GINM1: variants seen among roughly 807,000 people sequenced by gnomAD.
The protein encoded by GINM1 is glycoprotein integral membrane protein 1.
In GINM1, 29 loss-of-function variants were observed where a neutral mutation model predicts 37.8. The ratio of observed to expected loss-of-function variants is 0.77; its 90% CI spans 0.57 to 1.05. The LOEUF (loss-of-function observed/expected upper bound fraction) is 1.05. GINM1 is among the 50% of genes least tolerant of loss of function. The pLI, the probability that GINM1 is intolerant of heterozygous loss-of-function variation, is 0.00. For synonymous variants in GINM1, 143 were observed against 146.2 expected, an observed-to-expected ratio of 0.98 and a Z score of 0.16; for missense variants, 377 against 397.9, an observed-to-expected ratio of 0.95 and a Z score of 0.45.
At chr6:149,580,852 T>G in intron 6 of GINM1, 129 bp downstream of exon 6, 1 of 717,932 alleles carries the variant, frequency 1.4e-6, no homozygotes, top group Non-Finnish European at 2.3e-6. Flanking sequence ...TGGACTCATC[T>G]TGGTCTTAAT....
At chr6:149,573,782 G>A (rs1203134783) in intron 3 of GINM1, among the ~76,000 whole-genome samples, 2 of 151,248 alleles carry the variant, frequency 1.3e-5, no homozygotes, top group African/African-American at 2.4e-5. Context: ...TGGGAGGATC[G>A]CCACTGTACT....
At chr6:149,570,223 T>G (rs945724545) in intron 1 of GINM1, among the ~76,000 whole-genome samples, 1 of 132,600 alleles carries the variant, frequency 7.5e-6, no homozygotes, top group Admixed American at 7.9e-5. Context: ...GCTAACAATA[T>G]AGTGTTCACT....
rs116070869 is a variant in GINM1 at position 149,588,598 on chromosome 6, A to G, written c.882-2129A>G. ...CCTACTAAGTAGGCCAGACTTTCCT[A>G]TCTTAAAATTATGGGGCTTTTTTTG... On this transcript the variant is annotated intron_variant, in intron 7 of 7. Coordinates refer to ENST00000367419, the MANE Select transcript of GINM1 (RefSeq NM_138785.5). 1.6e-3 allele frequency among the ~76,000 whole-genome samples: 247 copies of G among 152,182 alleles called. 1 individual carries two copies. Among genetic ancestry groups the G allele is most frequent in the African/African-American group, 5.6e-3 (232 of 41,524 alleles).
intron 3 of GINM1, chr6:149,576,415 G>T (rs1016243694): frequency 1.3e-5 from 2 of 152,126 alleles, no homozygotes; most frequent in African/African-American, 4.8e-5. Flanking sequence ...TCTAATTGTG[G>T]CAGTAACATT....
intron 7 of GINM1, 118 bp downstream of exon 7, chr6:149,582,721 A>G: frequency 3.0e-6 from 2 of 662,262 alleles, no homozygotes; most frequent in East Asian, 3.1e-5. Flanking sequence ...AATGGGAGGG[A>G]AAATAACACC....
chr6:149,589,471 C>T (rs1441292766), intron 7 of GINM1, among the ~76,000 whole-genome samples: 1 of 151,848 alleles, frequency 6.6e-6, no homozygotes, highest in East Asian at 1.9e-4. Flanking sequence ...CAGGGTTTCA[C>T]CATGTTGGCC....
At chr6:149,589,051 G>A (rs9322190) in intron 7 of GINM1, among the ~76,000 whole-genome samples, 56,761 of 151,562 alleles carry the variant, frequency 0.37, 11,569 homozygotes, top group East Asian at 0.81. Context: ...TGACCCACCC[G>A]TCTCGGCCTC....
chr6:149,589,043 A>G (rs1582739813), intron 7 of GINM1, among the ~76,000 whole-genome samples: 1 of 151,880 alleles, frequency 6.6e-6, no homozygotes, highest in Admixed American at 6.6e-5. Flanking sequence ...ACCTCAAGTG[A>G]CCCACCCGTC....
At chr6:149,567,117 C>T (rs191052161) in intron 1 of GINM1, among the ~76,000 whole-genome samples, 9 of 152,240 alleles carry the variant, frequency 5.9e-5, no homozygotes, top group Non-Finnish European at 1.2e-4. Flanking sequence ...GCGGTGTCCG[C>T]ATCCCCTGGG....
chr6:149,571,973 C>T (rs1250869053), intron 1 of GINM1, among the ~76,000 whole-genome samples: 7 of 151,728 alleles, frequency 4.6e-5, no homozygotes, highest in Admixed American at 3.3e-4. Context: ...CCCAGCTACT[C>T]GGGAGGCTGA....
At chr6:149,582,165 A>G in intron 6 of GINM1, 1 of 528,242 alleles carries the variant, frequency 1.9e-6, no homozygotes, top group Non-Finnish European at 3.7e-6. Context: ...TTAGAAAACA[A>G]TATAAATAAT....
intron 6 of GINM1, among the ~76,000 whole-genome samples, chr6:149,581,311 A>G (rs1777995932): frequency 6.6e-6 from 1 of 152,100 alleles, no homozygotes; most frequent in South Asian, 2.1e-4. Flanking sequence ...GGCACACGCT[A>G]CCACGCCCAG....
intron 3 of GINM1, among the ~76,000 whole-genome samples, chr6:149,577,743 T>G (rs1777935484): frequency 6.6e-6 from 1 of 152,186 alleles, no homozygotes; most frequent in African/African-American, 2.4e-5. Flanking sequence ...GATTCCTGTT[T>G]GGCAAAAATC....
At chr6:149,574,897 TA>T (rs1777891296) in intron 3 of GINM1, among the ~76,000 whole-genome samples, 1 of 152,170 alleles carries the variant, frequency 6.6e-6, no homozygotes. Context: ...TAAAAATAAA[TA>T]AATTTGTACT....
At chr6:149,576,782 T>C (rs1777921252) in intron 3 of GINM1, among the ~76,000 whole-genome samples, 1 of 152,162 alleles carries the variant, frequency 6.6e-6, no homozygotes. Flanking sequence ...GGCTTTGTTG[T>C]TTTTTATTTA....
At chr6:149,583,686 G>A (rs1778033240) in intron 7 of GINM1, among the ~76,000 whole-genome samples, 1 of 151,624 alleles carries the variant, frequency 6.6e-6, no homozygotes, top group African/African-American at 2.4e-5. Flanking sequence ...ATATCAGTGA[G>A]GTCTAATGAG....
Position 149,582,580 on chromosome 6 carries a change from G to GT in GINM1, c.863dup (p.Val290SerfsTer3). 6.3e-7 allele frequency: 1 copy of GT among 1,579,854 alleles called. No individual in the cohort carries two copies. Among genetic ancestry groups the GT allele is most frequent in the South Asian group, 1.2e-5 (1 of 83,788 alleles). On this transcript the variant is annotated frameshift_variant, in exon 7 of 8. Coordinates refer to ENST00000367419, the MANE Select transcript of GINM1 (RefSeq NM_138785.5). LOFTEE classifies it high-confidence loss of function. ...CTGTGGTAATAACCATCTTAAAGGT[G>GT]TTTTTCCCAGTTTCTGAATACAAGT...
intron 7 of GINM1, among the ~76,000 whole-genome samples, chr6:149,587,955 T>C (rs1442196618): frequency 1.3e-5 from 2 of 152,238 alleles, no homozygotes; most frequent in Non-Finnish European, 2.9e-5. Flanking sequence ...TTTTAGGAGC[T>C]GTTCCAGGAA....
At chr6:149,573,902 T>C (rs537435453) in intron 3 of GINM1, among the ~76,000 whole-genome samples, 3 of 151,978 alleles carry the variant, frequency 2.0e-5, no homozygotes, top group African/African-American at 7.2e-5. Context: ...TTATCTAGTA[T>C]TCAGTTTCTT....
Sources: gnomAD v4.1 joint callset for allele counts (sites outside exome capture counted in the v4.1 genomes callset) on GRCh38, gnomAD v4.1.1 for gene constraint, MANE v1.5 for transcripts, NCBI Gene and HGNC (gene_info 2026-07-23, HGNC 2026-07-21) for gene names.